Variants in TUB observed in about 807,000 individuals in gnomAD.
TUB encodes the protein TUB bipartite transcription factor.
TUB carries 33 observed loss-of-function variants against 59.7 expected under a neutral mutation model. That is an observed-to-expected ratio of 0.55 (90% confidence interval 0.42 to 0.74). TUB has a LOEUF of 0.74. Ranked by LOEUF, TUB falls within the 30% of genes least tolerant of loss-of-function variation. TUB has a pLI of 0.00. For missense variants in TUB, 659 were observed against 672.0 expected, an observed-to-expected ratio of 0.98 and a Z score of 0.21; for synonymous variants, 293 against 256.4, an observed-to-expected ratio of 1.14 and a Z score of -1.36.
chr11:8,061,832 A>G (rs1487140120), intron 2 of TUB, among the ~76,000 whole-genome samples: 1 of 152,106 alleles, frequency 6.6e-6, no homozygotes, highest in East Asian at 1.9e-4. Flanking sequence ...TTGCTACTTC[A>G]GGAACAGTTT....
At position 8,101,761 on chromosome 11, in the gene TUB, A is replaced by G; in HGVS notation, c.*142A>G. On this transcript the variant is annotated 3_prime_UTR_variant, in exon 12 of 12. Transcript: ENST00000299506. ...CCTCAGTGGGCTCCCTGGCCCAGCCAGCCAGGAACTGGCTCCTTTGCCTCT... is the reference window on the plus strand; with the variant it reads ...CCTCAGTGGGCTCCCTGGCCCAGCCGGCCAGGAACTGGCTCCTTTGCCTCT... The G allele has an allele frequency of 7.1e-7, 1 of 1,413,746 alleles. No individual in the cohort carries two copies. The highest frequency in any genetic ancestry group is 9.3e-7 in the Non-Finnish European group (1 of 1,075,374). 87.6% of individuals were successfully genotyped at this position (1,413,746 alleles called of 1,614,324 possible).
intron 2 of TUB, among the ~76,000 whole-genome samples, chr11:8,059,548 G>A (rs1943082545): frequency 2.0e-5 from 3 of 152,088 alleles, no homozygotes; most frequent in African/African-American, 4.8e-5. Context: ...GTACCCAAGG[G>A]CACACTGGGA....
intron 9 of TUB, 144 bp from the exon 10 acceptor site, chr11:8,100,359 C>T: frequency 1.5e-6 from 1 of 672,246 alleles, no homozygotes; most frequent in Non-Finnish European, 2.7e-6. Context: ...TCAGTTCTGG[C>T]CGTGTTAGGT....
At position 8,101,856 on chromosome 11, in the gene TUB, G is replaced by GATTCGGCAA; in HGVS notation, c.*237_*238insATTCGGCAA. On this transcript the variant is annotated 3_prime_UTR_variant, in exon 12 of 12. Coordinates refer to ENST00000299506, the MANE Select transcript of TUB (RefSeq NM_177972.3). The stretch of plus-strand genomic sequence containing the variant: ...AAGGGATGAGAATAATTCTTTCCAT[G>GATTCGGCAA]CCACGAGATCAACACACACTCCCAC... 2 of 482,854 alleles carry GATTCGGCAA rather than the reference G, an allele frequency of 4.1e-6. No individual in the cohort carries two copies. The highest frequency in any genetic ancestry group is 3.7e-5 in the South Asian group (1 of 26,830). 29.9% of individuals were successfully genotyped at this position (482,854 alleles called of 1,614,324 possible).
chr11:8,027,502 A>T (rs1172722539), intron 1 of TUB, among the ~76,000 whole-genome samples: 1 of 152,100 alleles, frequency 6.6e-6, no homozygotes, highest in East Asian at 1.9e-4. Flanking sequence ...AAAATTTTTT[A>T]AATTTAAATT....
intron 1 of TUB, among the ~76,000 whole-genome samples, chr11:8,021,136 C>A (rs1942419617): frequency 6.6e-6 from 1 of 152,168 alleles, no homozygotes; most frequent in African/African-American, 2.4e-5. Context: ...TCTCCCTGGG[C>A]CACAGTTTCT....
At position 8,075,739 on chromosome 11, in the gene TUB, G is replaced by A. The variant is rs576711238; in HGVS notation, c.204-13871G>A. 5.9e-5 allele frequency: 9 copies of A among 151,890 alleles called. No individual in the cohort carries two copies. The South Asian group carries it at 6.2e-4, about 11-fold the overall frequency. 9.4% of individuals were successfully genotyped at this position (151,890 alleles called of 1,614,324 possible). ...GTAATAAAAAAAAAAATCTTGAAACGTCAGAGTTACACCATCTCTTTCCCA... is the reference window on the plus strand; with the variant it reads ...GTAATAAAAAAAAAAATCTTGAAACATCAGAGTTACACCATCTCTTTCCCA... On this transcript the variant is annotated intron_variant, in intron 2 of 12. Transcript: ENST00000305253.
chr11:8,077,036 G>T (rs1341521753), upstream of TUB: 1 of 152,158 alleles, frequency 6.6e-6, no homozygotes, highest in African/African-American at 2.4e-5. Flanking sequence ...CTACCATCTT[G>T]CCATGATGTC....
chr11:8,088,886 T>C (rs1338569767), intron 1 of TUB, among the ~76,000 whole-genome samples: 1 of 152,222 alleles, frequency 6.6e-6, no homozygotes, highest in African/African-American at 2.4e-5. Flanking sequence ...GCCTGTGCCA[T>C]GTCTGCAGCC....
chr11:8,078,154 C>T (rs1032258931), upstream of TUB, among the ~76,000 whole-genome samples: 1 of 152,050 alleles, frequency 6.6e-6, no homozygotes, highest in Admixed American at 6.6e-5. Context: ...CCCTGGGGTC[C>T]TCAAGCTCAG....
At chr11:8,044,820 C>T (rs141643811) in intron 2 of TUB, among the ~76,000 whole-genome samples, 120 of 152,306 alleles carry the variant, frequency 7.9e-4, no homozygotes, top group Admixed American at 3.5e-3. Flanking sequence ...TAACAGAACT[C>T]AGGAAAGCAC....
At chr11:8,066,944 A>G (rs765559893) in intron 2 of TUB, among the ~76,000 whole-genome samples, 29 of 152,084 alleles carry the variant, frequency 1.9e-4, no homozygotes, top group Non-Finnish European at 4.0e-4. Flanking sequence ...ACCTCCCCCA[A>G]ATGCACACAC....
chr11:8,044,632 A>T (rs1047156802), intron 2 of TUB, among the ~76,000 whole-genome samples: 6 of 152,184 alleles, frequency 3.9e-5, no homozygotes, highest in Non-Finnish European at 5.9e-5. Context: ...ATTTAATTTG[A>T]TTCTGGTACT....
chr11:8,071,446 T>C (rs1028253960), intron 2 of TUB, among the ~76,000 whole-genome samples: 1 of 152,060 alleles, frequency 6.6e-6, no homozygotes, highest in African/African-American at 2.4e-5. Context: ...CCAAGGAAAT[T>C]GGGAAGGCAC....
intron 2 of TUB, among the ~76,000 whole-genome samples, chr11:8,073,600 C>T (rs1430015464): frequency 6.6e-6 from 1 of 152,120 alleles, no homozygotes; most frequent in Non-Finnish European, 1.5e-5. Flanking sequence ...AAGCTCTCTC[C>T]CGCTCTTCCT....
upstream of TUB, chr11:8,035,779 A>G (rs1942636385): frequency 6.6e-6 from 1 of 152,216 alleles, no homozygotes; most frequent in Non-Finnish European, 1.5e-5. Flanking sequence ...CTGATCCAAA[A>G]CGTCACTGGA....
At chr11:8,098,029 G>A (rs569947887) in intron 8 of TUB, among the ~76,000 whole-genome samples, 4 of 152,118 alleles carry the variant, frequency 2.6e-5, no homozygotes, top group South Asian at 2.1e-4. Flanking sequence ...TCACACACCC[G>A]ACCCCAAGCT....
chr11:8,039,400 A>G (rs1223491652), intron 1 of TUB: 22 of 450,344 alleles, frequency 4.9e-5, no homozygotes, highest in Non-Finnish European at 1.2e-5. Context: ...CTTCATTCCC[A>G]TGGCTCAGGT....
rs556742901 is a variant in TUB at position 8,090,047 on chromosome 11, G to A, written c.91-22G>A. The stretch of plus-strand genomic sequence containing the variant: ...CCTTCCTGGTGGAGGCAGTGGGTCA[G>A]CCAACCTCTGTGCCTCCATAGCGGG... On this transcript the variant is annotated intron_variant, in intron 2 of 11. Coordinates refer to ENST00000299506, the MANE Select transcript of TUB (RefSeq NM_177972.3). The A allele has an allele frequency of 8.9e-6, 14 of 1,574,360 alleles. No homozygotes were observed. The African/African-American group carries it at 1.5e-4, about 17-fold the overall frequency.
Sources: allele counts gnomAD v4.1 joint callset (sites outside exome capture counted in the v4.1 genomes callset), GRCh38; gene constraint gnomAD v4.1.1; transcripts MANE v1.5; gene names NCBI Gene and HGNC (gene_info 2026-07-23, HGNC 2026-07-21).